Variants in MUC7 observed in about 807,000 individuals in gnomAD.
MUC7 encodes the protein mucin-7.
In MUC7, 2 loss-of-function variants were observed where a neutral mutation model predicts 2.5. The observed-to-expected ratio is 0.81, with a 90% CI of 0.33 to 2.55. MUC7 has a LOEUF of 2.55. Ranked by LOEUF, MUC7 falls within the 30% of genes most tolerant of loss-of-function variation. The pLI is 0.11. For synonymous variants in MUC7, 133 were observed against 173.4 expected (o/e 0.77, Z 1.83); for missense variants, 408 against 455.6 (o/e 0.90, Z 0.95).
chr4:70,473,042 GTAGT>G (rs1195810129), intron 1 of MUC7, among the ~76,000 whole-genome samples: 5 of 152,090 alleles, frequency 3.3e-5, no homozygotes, highest in African/African-American at 1.2e-4. Flanking sequence ...TCTTTTGCAA[GTAGT>G]TATTCAAAAA....
chr4:70,456,635 G>A (rs886550127), intron 1 of MUC7, among the ~76,000 whole-genome samples: 1 of 152,162 alleles, frequency 6.6e-6, no homozygotes, highest in African/African-American at 2.4e-5. Flanking sequence ...GAACAGCATG[G>A]AAGAAACCAC....
chr4:70,436,463 T>G (rs1733836859), intron 1 of MUC7, among the ~76,000 whole-genome samples: 2 of 152,226 alleles, frequency 1.3e-5, no homozygotes, highest in African/African-American at 4.8e-5. Context: ...TCTTCAATCA[T>G]TGATACCCTT....
chr4:70,437,717 C>T (rs13151862), intron 1 of MUC7, among the ~76,000 whole-genome samples: 46,371 of 152,032 alleles, frequency 0.31, 8,044 homozygotes, highest in Admixed American at 0.4. Flanking sequence ...AGCTCACTGT[C>T]TGTAGGCTGT....
chr4:70,446,666 T>C (rs1577901609), intron 1 of MUC7, among the ~76,000 whole-genome samples: 1 of 152,314 alleles, frequency 6.6e-6, no homozygotes, highest in Non-Finnish European at 1.5e-5. Flanking sequence ...GAGGTTAAGA[T>C]TTCAACACAT....
At chr4:70,464,493 A>T (rs143794754) in intron 1 of MUC7, among the ~76,000 whole-genome samples, 19 of 152,208 alleles carry the variant, frequency 1.2e-4, no homozygotes, top group Admixed American at 3.9e-4. Context: ...GCTAAGATAC[A>T]ATGGCTTGAA....
Position 70,481,475 on chromosome 4 carries a change from C to T in MUC7, c.731C>T (p.Thr244Ile). Residue 244 changes from threonine (T) to isoleucine (I), a missense_variant, in exon 3 of 3, where the codon ACT (threonine) becomes ATT (isoleucine). Thr to Ile is a moderately conservative substitution (Grantham distance 89). This residue lies in a region of MUC7 where 175 missense variants were observed against 187.1 expected (regional missense o/e 0.94). Coordinates refer to ENST00000304887, the MANE Select transcript of MUC7 (RefSeq NM_152291.3). ...GCTGCCCCACCCACACCTTCTGCAACTACACCAGCTCCACTATCTTCCTCA... is the reference window on the plus strand; with the variant it reads ...GCTGCCCCACCCACACCTTCTGCAATTACACCAGCTCCACTATCTTCCTCA... Reference protein sequence around the residue: ...TTAAPPTPSATTPAPLSSSAP... With the variant: ...TTAAPPTPSAITPAPLSSSAP... 3.3e-6 allele frequency: 5 copies of T among 1,501,754 alleles called. No individual in the cohort carries two copies. In the Middle Eastern group the frequency reaches 7.5e-4, roughly 225 times the overall value. 93.0% of individuals were successfully genotyped at this position (1,501,754 alleles called of 1,614,324 possible). A position where few individuals can be genotyped will look rare whatever the true frequency, so the allele number is the denominator to read the frequency against.
At chr4:70,450,755 C>T (rs1734259468) in intron 1 of MUC7, among the ~76,000 whole-genome samples, 1 of 152,118 alleles carries the variant, frequency 6.6e-6, no homozygotes, top group African/African-American at 2.4e-5. Flanking sequence ...GGAACTAGGG[C>T]CTGGAACAAG....
At chr4:70,474,722 T>C (rs941631458) in intron 2 of MUC7, among the ~76,000 whole-genome samples, 5 of 152,096 alleles carry the variant, frequency 3.3e-5, no homozygotes, top group Non-Finnish European at 7.4e-5. Flanking sequence ...GTGTGGAATA[T>C]GGTTTCAAAT....
At chr4:70,438,455 GT>G (rs1294573031) in intron 1 of MUC7, among the ~76,000 whole-genome samples, 7 of 151,992 alleles carry the variant, frequency 4.6e-5, no homozygotes, top group African/African-American at 7.2e-5. Flanking sequence ...GTTTTGTTTT[GT>G]TTTGGTTTGG....
chr4:70,443,231 C>CAA (rs199848623), intron 1 of MUC7, among the ~76,000 whole-genome samples: 27 of 136,692 alleles, frequency 2.0e-4, no homozygotes, highest in African/African-American at 6.1e-4. Context: ...TTAATTTGGC[C>CAA]AAAAAAAAAA....
At chr4:70,460,729 C>T (rs1332487546) in intron 1 of MUC7, among the ~76,000 whole-genome samples, 1 of 152,120 alleles carries the variant, frequency 6.6e-6, no homozygotes, top group Non-Finnish European at 1.5e-5. Context: ...TTGGTCCAGC[C>T]AGCACTGTGC....
intron 1 of MUC7, among the ~76,000 whole-genome samples, chr4:70,450,405 G>A (rs1160056402): frequency 1.3e-5 from 2 of 152,200 alleles, no homozygotes; most frequent in Non-Finnish European, 2.9e-5. Flanking sequence ...TCCTGGAATT[G>A]GGGATGCCTA....
intron 1 of MUC7, among the ~76,000 whole-genome samples, chr4:70,457,961 T>C (rs546933762): frequency 6.6e-6 from 1 of 152,278 alleles, no homozygotes; most frequent in South Asian, 2.1e-4. Flanking sequence ...ATTAAAATTT[T>C]CATGAAATAG....
intron 1 of MUC7, among the ~76,000 whole-genome samples, chr4:70,446,745 T>C (rs777506896): frequency 3.3e-5 from 5 of 152,150 alleles, no homozygotes; most frequent in Non-Finnish European, 7.4e-5. Context: ...TTCCTAAACT[T>C]CTAATGCCAA....
chr4:70,439,954 T>G (rs1430163748), intron 1 of MUC7, among the ~76,000 whole-genome samples: 1 of 152,138 alleles, frequency 6.6e-6, no homozygotes, highest in Non-Finnish European at 1.5e-5. Flanking sequence ...AACTCTGTTT[T>G]GATAAATCAG....
intron 1 of MUC7, among the ~76,000 whole-genome samples, chr4:70,464,894 T>C (rs1258347200): frequency 1.3e-5 from 2 of 152,216 alleles, no homozygotes; most frequent in African/African-American, 4.8e-5. Flanking sequence ...GTGCTCGAGC[T>C]CTGCTAAGGG....
intron 1 of MUC7, among the ~76,000 whole-genome samples, chr4:70,457,059 T>C (rs1734432908): frequency 6.6e-6 from 1 of 152,156 alleles, no homozygotes; most frequent in African/African-American, 2.4e-5. Flanking sequence ...GCAAACATGG[T>C]TGCCCTGGGA....
rs757963576 is a variant in MUC7, at chr4:70,451,923, CT to C, written c.-92-20289del. On this transcript the variant is annotated intron_variant, in intron 1 of 3. Transcript: ENST00000413702. Reference sequence around the variant, plus strand: ...CTCTCTTCAGTTCTAGTAATATTTGCTTTATTTATCTGGGCACTCTAGTGTT... The same window carrying C: ...CTCTCTTCAGTTCTAGTAATATTTGCTTATTTATCTGGGCACTCTAGTGTT... 1.7e-4 allele frequency among the ~76,000 whole-genome samples: 26 copies of C among 152,174 alleles called. 2 individuals are homozygous for C. The Middle Eastern group carries it at 0.027, about 159-fold the overall frequency.
chr4:70,433,246 T>A (rs555102905), intron 1 of MUC7, among the ~76,000 whole-genome samples: 2 of 152,186 alleles, frequency 1.3e-5, no homozygotes, highest in East Asian at 3.9e-4. Context: ...TTTAAAGTAG[T>A]TTTTTTCTAA....
Sources: allele counts gnomAD v4.1 joint callset (sites outside exome capture counted in the v4.1 genomes callset), GRCh38; gene constraint gnomAD v4.1.1; regional missense constraint gnomAD v4.1.1; transcripts MANE v1.5; gene names NCBI Gene and HGNC (gene_info 2026-07-23, HGNC 2026-07-21).